DENND5A: variants seen among roughly 807,000 people sequenced by gnomAD.
DENND5A encodes the protein DENN domain-containing protein 5A.
In DENND5A, 64 loss-of-function variants were observed where a neutral mutation model predicts 140.3. The ratio of observed to expected loss-of-function variants is 0.46; its 90% CI spans 0.37 to 0.56. DENND5A has a LOEUF of 0.56. DENND5A is among the 20% of genes least tolerant of loss of function. DENND5A has a pLI of 0.00. For synonymous variants in DENND5A, 605 were observed against 607.7 expected (o/e 1.00, Z 0.07); for missense variants, 1,292 against 1,593.8 (o/e 0.81, Z 3.22).
At chr11:9,208,880 C>A (rs938980983) in intron 1 of DENND5A, among the ~76,000 whole-genome samples, 3 of 152,230 alleles carry the variant, frequency 2.0e-5, no homozygotes, top group African/African-American at 7.2e-5. Context: ...ACAAGGCCTA[C>A]AGCTTATGTA....
intron 1 of DENND5A, among the ~76,000 whole-genome samples, chr11:9,226,691 C>G (rs1396295132): frequency 1.3e-5 from 2 of 152,026 alleles, no homozygotes; most frequent in Non-Finnish European, 2.9e-5. Context: ...GTGGCAAAAA[C>G]CAAACTGACC....
intron 1 of DENND5A, among the ~76,000 whole-genome samples, chr11:9,236,788 G>A (rs1480277401): frequency 6.6e-6 from 1 of 151,638 alleles, no homozygotes; most frequent in Non-Finnish European, 1.5e-5. Context: ...AAGGAAGACA[G>A]GCAGGCAGGC....
At chr11:9,259,178 T>C (rs1852082288) in intron 1 of DENND5A, among the ~76,000 whole-genome samples, 1 of 151,954 alleles carries the variant, frequency 6.6e-6, no homozygotes, top group Non-Finnish European at 1.5e-5. Flanking sequence ...GAGAATCGCT[T>C]GAGCCCAGGA....
intron 1 of DENND5A, among the ~76,000 whole-genome samples, chr11:9,263,575 G>A (rs1852305286): frequency 6.8e-6 from 1 of 146,018 alleles, no homozygotes; most frequent in African/African-American, 2.5e-5. Context: ...GGGCGCGGTG[G>A]CTCACGCCTG....
chr11:9,182,308 T>A lies in DENND5A; in HGVS notation c.1138-1224A>T, dbSNP rs139529800. On this transcript the variant is annotated intron_variant, in intron 5 of 22. Coordinates refer to ENST00000328194, the MANE Select transcript of DENND5A (RefSeq NM_015213.4). ...TCCAGCCTGGGCAAGAGAGTGAGAC[T>A]CCCTCTCAAAAAACAAACTAACAAA... 1.1e-4 allele frequency among the ~76,000 whole-genome samples: 17 copies of A among 152,164 alleles called. No homozygotes were observed. The East Asian group carries it at 2.5e-3, about 22-fold the overall frequency.
At chr11:9,141,659 T>C (rs1847244952) in intron 22 of DENND5A, among the ~76,000 whole-genome samples, 1 of 152,162 alleles carries the variant, frequency 6.6e-6, no homozygotes, top group East Asian at 1.9e-4. Flanking sequence ...TACCTAAACA[T>C]CTCAACCTAT....
chr11:9,264,156 T>A (rs752834274), intron 1 of DENND5A, among the ~76,000 whole-genome samples: 3 of 152,170 alleles, frequency 2.0e-5, no homozygotes, highest in Non-Finnish European at 2.9e-5. Flanking sequence ...TCACGGGGAC[T>A]GTATAATTTT....
At chr11:9,259,882 A>G (rs1191618574) in intron 1 of DENND5A, among the ~76,000 whole-genome samples, 6 of 152,044 alleles carry the variant, frequency 3.9e-5, no homozygotes, top group African/African-American at 1.4e-4. Flanking sequence ...TACAAGAATT[A>G]GCCAGGTGTG....
intron 3 of DENND5A, 118 bp from the exon 4 acceptor site, chr11:9,204,435 T>A: frequency 1.1e-6 from 1 of 930,038 alleles, no homozygotes; most frequent in Non-Finnish European, 1.6e-6. Context: ...GTATCTGGCT[T>A]AAAGCTCTCT....
chr11:9,246,969 G>T (rs1017053530), intron 1 of DENND5A, among the ~76,000 whole-genome samples: 2 of 152,102 alleles, frequency 1.3e-5, no homozygotes, highest in African/African-American at 4.8e-5. Context: ...GGTGGCTCAC[G>T]CCTGTAATCC....
At chr11:9,251,862 C>T (rs1475819670) in intron 1 of DENND5A, among the ~76,000 whole-genome samples, 1 of 151,586 alleles carries the variant, frequency 6.6e-6, no homozygotes, top group African/African-American at 2.4e-5. Context: ...GGTGGCAGGC[C>T]CCTGCAGTCT....
intron 1 of DENND5A, among the ~76,000 whole-genome samples, chr11:9,255,082 A>C (rs982172159): frequency 1.3e-5 from 2 of 151,616 alleles, no homozygotes; most frequent in Non-Finnish European, 2.9e-5. Flanking sequence ...AAAAATAATA[A>C]ATAAAATAAA....
chr11:9,221,671 C>G (rs1382611210), intron 1 of DENND5A, among the ~76,000 whole-genome samples: 1 of 148,820 alleles, frequency 6.7e-6, no homozygotes, highest in Non-Finnish European at 1.5e-5. Flanking sequence ...CAGCCAACCC[C>G]ATGTATATTT....
intron 1 of DENND5A, among the ~76,000 whole-genome samples, chr11:9,226,196 T>G (rs7943406): frequency 6.6e-6 from 1 of 152,200 alleles, no homozygotes; most frequent in African/African-American, 2.4e-5. Context: ...GACTGGAACA[T>G]GTCATGCTGT....
intron 11 of DENND5A, 105 bp from the exon 12 acceptor site, chr11:9,160,970 G>T (rs1847963368): frequency 1.7e-6 from 2 of 1,148,212 alleles, no homozygotes; most frequent in Admixed American, 2.0e-5. Flanking sequence ...GGGCTGGGAA[G>T]GACAGGATGA....
chr11:9,260,175 G>T (rs1385840778), intron 1 of DENND5A, among the ~76,000 whole-genome samples: 1 of 152,022 alleles, frequency 6.6e-6, no homozygotes, highest in Non-Finnish European at 1.5e-5. Context: ...TCTGCACAGA[G>T]CCTGGGAAAA....
intron 1 of DENND5A, 113 bp from the exon 2 acceptor site, chr11:9,207,745 C>T: frequency 2.7e-6 from 2 of 742,480 alleles, no homozygotes; most frequent in Non-Finnish European, 4.5e-6. Context: ...TAAACACATA[C>T]ATGTATGTGT....
intron 8 of DENND5A, chr11:9,176,915 G>A (rs757385277): frequency 1.5e-5 from 7 of 456,198 alleles, no homozygotes; most frequent in Middle Eastern, 3.3e-4. Context: ...ATGAGACAAT[G>A]AAAGTTGTTA....
intron 6 of DENND5A, among the ~76,000 whole-genome samples, chr11:9,179,569 G>A (rs1410989383): frequency 2.0e-5 from 3 of 147,724 alleles, no homozygotes; most frequent in Non-Finnish European, 4.4e-5. Context: ...GCGCCATCTC[G>A]GCTCACCGCA....
Sources: gnomAD v4.1 joint callset for allele counts (sites outside exome capture counted in the v4.1 genomes callset) on GRCh38, gnomAD v4.1.1 for gene constraint, MANE v1.5 for transcripts, NCBI Gene and HGNC (gene_info 2026-07-23, HGNC 2026-07-21) for gene names.